The following SMARCA2 variants were observed in gnomAD, a reference collection of about 807,000 sequenced individuals.
SMARCA2 encodes SWI/SNF-related matrix-associated actin-dependent regulator of chromatin subfamily A member 2.
A neutral mutation model predicts 199.8 loss-of-function variants in SMARCA2; 61 were observed. The ratio of observed to expected loss-of-function variants is 0.31; its 90% CI spans 0.25 to 0.38. The LOEUF is 0.38. Among genes scored for constraint, SMARCA2 ranks in the 10% least tolerant of loss-of-function variants. The probability of loss-of-function intolerance (pLI) is 1.00; values close to 1 mark genes in which losing one functional copy is unlikely to be tolerated. For synonymous variants in SMARCA2, 935 were observed against 732.0 expected, an observed-to-expected ratio of 1.28 and a Z score of -4.48; for missense variants, 1,344 against 2,012.2, an observed-to-expected ratio of 0.67 and a Z score of 6.35.
chr9:2,067,428 A>G (rs908065172), intron 9 of SMARCA2, among the ~76,000 whole-genome samples: 13 of 152,348 alleles, frequency 8.5e-5, no homozygotes, highest in East Asian at 5.8e-4. Flanking sequence ...TTTTCAGGAA[A>G]TGCGACAGCC....
At chr9:2,174,260 G>A (rs570593178) in intron 29 of SMARCA2, among the ~76,000 whole-genome samples, 4 of 152,236 alleles carry the variant, frequency 2.6e-5, no homozygotes, top group East Asian at 1.9e-4. Flanking sequence ...TAACAAAATG[G>A]ATTTTCTTAC....
chr9:2,120,523 G>A (rs779642947), intron 26 of SMARCA2, among the ~76,000 whole-genome samples: 1 of 152,188 alleles, frequency 6.6e-6, no homozygotes, highest in Non-Finnish European at 1.5e-5. Flanking sequence ...AACACTGCAT[G>A]CCAAACAAAA....
At chr9:2,138,247 T>C (rs962345667) in intron 27 of SMARCA2, among the ~76,000 whole-genome samples, 3 of 152,202 alleles carry the variant, frequency 2.0e-5, no homozygotes, top group Non-Finnish European at 2.9e-5. Flanking sequence ...ATTGGATTTT[T>C]AGTTTTGTGT....
chr9:2,022,814 C>A (rs1818664555), intron 1 of SMARCA2, among the ~76,000 whole-genome samples: 1 of 152,140 alleles, frequency 6.6e-6, no homozygotes, highest in South Asian at 2.1e-4. Context: ...TGACATATTA[C>A]CTTTCAGGGT....
intron 16 of SMARCA2, among the ~76,000 whole-genome samples, chr9:2,083,675 C>G (rs1270702170): frequency 6.6e-6 from 1 of 152,314 alleles, no homozygotes; most frequent in African/African-American, 2.4e-5. Context: ...ACAAATATCA[C>G]ACATTCTGCG....
chr9:2,155,758 T>TC lies in SMARCA2; in HGVS notation c.3982-5927dup, dbSNP rs1825329048. Reference sequence around the variant, plus strand: ...TTTTTTTTTTTTTTTTTTTTTTTTTTCAAAAGTGATCTGAAGTTATTGATC... The same window carrying TC: ...TTTTTTTTTTTTTTTTTTTTTTTTTTCCAAAAGTGATCTGAAGTTATTGATC... On this transcript the variant is annotated intron_variant, in intron 27 of 33. Transcript: ENST00000349721. Among the ~76,000 whole-genome samples the TC allele has an allele frequency of 4.8e-5, 4 of 82,558 alleles. No homozygotes were observed. In the East Asian group the frequency reaches 1.0e-3, roughly 21 times the overall value. 54.2% of individuals were successfully genotyped at this position (82,558 alleles called of 152,430 possible).
intron 27 of SMARCA2, among the ~76,000 whole-genome samples, chr9:2,145,125 C>G (rs1412304657): frequency 6.6e-6 from 1 of 151,934 alleles, no homozygotes; most frequent in African/African-American, 2.4e-5. Context: ...AATGGTGAAA[C>G]CCATCTCTAC....
At chr9:2,158,650 G>C (rs10811553) in intron 27 of SMARCA2, 79,044 of 297,232 alleles carry the variant, frequency 0.27, 11,136 homozygotes, top group Non-Finnish European at 0.33. Flanking sequence ...AGCAAGTTTT[G>C]GGGTTTTTTT....
chr9:2,116,100 C>T (rs375634048), intron 25 of SMARCA2, 51 bp downstream of exon 25: 1 of 1,342,854 alleles, frequency 7.4e-7, no homozygotes, highest in Non-Finnish European at 1.1e-6. Context: ...CCTTTTGTCT[C>T]TGAAGGACTC....
intron 2 of SMARCA2, among the ~76,000 whole-genome samples, chr9:2,032,199 GT>G (rs1819101213): frequency 6.6e-6 from 1 of 152,152 alleles, no homozygotes; most frequent in Admixed American, 6.5e-5. Flanking sequence ...TGCTATTACA[GT>G]TTGGGGAGGA....
At chr9:2,078,959 T>A (rs1000770852) in intron 14 of SMARCA2, among the ~76,000 whole-genome samples, 1 of 151,606 alleles carries the variant, frequency 6.6e-6, no homozygotes, top group Non-Finnish European at 1.5e-5. Context: ...AATAAATAAA[T>A]AAATAAAAAT....
At chr9:2,044,911 A>G (rs1458536180) in intron 4 of SMARCA2, 1 of 152,218 alleles carries the variant, frequency 6.6e-6, no homozygotes. Flanking sequence ...CGGTCCATGC[A>G]TATATCAGAT....
At chr9:2,073,741 C>T (rs1821189117) in intron 12 of SMARCA2, 118 bp downstream of exon 12, 3 of 722,442 alleles carry the variant, frequency 4.2e-6, no homozygotes, top group Admixed American at 2.4e-5. Flanking sequence ...CAGGATTGGC[C>T]TTTGGGTGAC....
intron 27 of SMARCA2, among the ~76,000 whole-genome samples, chr9:2,155,720 CTTTTTTTTTTTTTTTTTTTTTT>C (rs59156319): frequency 3.0e-4 from 16 of 53,190 alleles, no homozygotes; most frequent in East Asian, 2.3e-3. Flanking sequence ...AAGAGAAAAC[CTTTTTTTTTTTTTTTTTTTTTT>C]TTTTTTTTTT....
At chr9:2,062,048 C>A (rs1243037428) in intron 9 of SMARCA2, among the ~76,000 whole-genome samples, 1 of 152,106 alleles carries the variant, frequency 6.6e-6, no homozygotes, top group Non-Finnish European at 1.5e-5. Context: ...ACTCCAGCTC[C>A]AATTCCTACC....
intron 5 of SMARCA2, 25 bp downstream of exon 5, chr9:2,047,509 C>T (rs1267418757): frequency 3.6e-6 from 5 of 1,370,544 alleles, no homozygotes; most frequent in South Asian, 3.6e-5. Flanking sequence ...CAGCAAGGGG[C>T]CCCCTGCGGT....
Position 2,077,821 on chromosome 9 carries a change from A to G in SMARCA2, c.2184+45A>G, listed in dbSNP as rs142661198. On this transcript the variant is annotated intron_variant, in intron 14 of 33. Transcript: ENST00000349721. ...TTTCCTTGGCAAGTTGTAACCATTT[A>G]CCTAATTTTGATTGAAGTATGTCGT... is the stretch of plus-strand genomic sequence containing the variant. 6.7e-4 allele frequency: 1,031 copies of G among 1,550,034 alleles called. 6 individuals carry two copies. In the African/African-American group the frequency reaches 0.012, roughly 19 times the overall value.
At position 2,141,196 on chromosome 9, in the gene SMARCA2, T is replaced by C. The variant is rs1376822203; in HGVS notation, c.3981+17259T>C. ...AAATTAGACCCTTTCTCTCAGTATATCTACTATCTCCTCCTTTCCCTGTAT... is the reference window on the plus strand; with the variant it reads ...AAATTAGACCCTTTCTCTCAGTATACCTACTATCTCCTCCTTTCCCTGTAT... On this transcript the variant is annotated intron_variant, in intron 27 of 33. Coordinates refer to ENST00000349721, the MANE Select transcript of SMARCA2 (RefSeq NM_003070.5). Among the ~76,000 whole-genome samples, 25 of 152,084 alleles carry C rather than the reference T, an allele frequency of 1.6e-4. No individual in the cohort carries two copies. The East Asian group carries it at 4.6e-3, about 28-fold the overall frequency.
chr9:2,150,104 G>A (rs1391142569), intron 27 of SMARCA2, among the ~76,000 whole-genome samples: 1 of 151,530 alleles, frequency 6.6e-6, no homozygotes, highest in Non-Finnish European at 1.5e-5. Flanking sequence ...ACTTGTGTGT[G>A]AGTGCAAGGA....
Sources: gnomAD v4.1 joint callset for allele counts (sites outside exome capture counted in the v4.1 genomes callset) on GRCh38, gnomAD v4.1.1 for gene constraint, MANE v1.5 for transcripts, NCBI Gene and HGNC (gene_info 2026-07-23, HGNC 2026-07-21) for gene names.